The following IL1RAPL2 variants were observed in gnomAD, a reference collection of about 807,000 sequenced individuals.
The protein encoded by IL1RAPL2 is interleukin 1 receptor accessory protein like 2.
IL1RAPL2 carries 3 observed loss-of-function variants against 44.1 expected under a neutral mutation model. That is an observed-to-expected ratio of 0.07 (90% CI 0.03 to 0.18). IL1RAPL2 has a LOEUF of 0.18. Among genes scored for constraint, IL1RAPL2 ranks in the 10% least tolerant of loss-of-function variants. The pLI is 1.00. For missense variants in IL1RAPL2, 391 were observed against 496.4 expected (o/e 0.79, Z 2.02); for synonymous variants, 181 against 178.8 (o/e 1.01, Z -0.10).
In IL1RAPL2 at chrX:105,512,038, T is replaced by G. The variant is rs771482402; in HGVS notation, c.772+27651T>G. Among the ~76,000 whole-genome samples the G allele has an allele frequency of 4.5e-5, 5 of 110,980 alleles. No homozygotes were observed. In the South Asian group the frequency reaches 1.9e-3, roughly 43 times the overall value. On this transcript the variant is annotated intron_variant, in intron 6 of 10. Transcript: ENST00000372582. ...ATACTTAACGACTCGAATTTCAAAC[T>G]GTTAATGTCTTTTCTCTCTAATTTC...
chrX:105,715,602 T>C lies in IL1RAPL2; in HGVS notation c.773-1765T>C, dbSNP rs188032560. 4.5e-5 allele frequency among the ~76,000 whole-genome samples: 5 copies of C among 111,522 alleles called. No individual in the cohort carries two copies. In the East Asian group the frequency reaches 1.4e-3, roughly 32 times the overall value. ...GAGCTCAAAGTAAGAGAAAGGAGTATAAATTGAAATTGAAGATCTCCTGGA... is the reference window on the plus strand; with the variant it reads ...GAGCTCAAAGTAAGAGAAAGGAGTACAAATTGAAATTGAAGATCTCCTGGA... On this transcript the variant is annotated intron_variant, in intron 6 of 10. Coordinates refer to ENST00000372582, the MANE Select transcript of IL1RAPL2 (RefSeq NM_017416.2).
At chrX:105,222,610 T>G (rs151110112) in intron 3 of IL1RAPL2, among the ~76,000 whole-genome samples, 1,912 of 111,324 alleles carry the variant, frequency 0.017, 43 homozygotes, top group African/African-American at 0.057. Flanking sequence ...GAAGACCCAT[T>G]AGGGAGATGC....
intron 2 of IL1RAPL2, among the ~76,000 whole-genome samples, chrX:105,158,389 C>G (rs748159520): frequency 8.9e-6 from 1 of 111,822 alleles, no homozygotes; most frequent in South Asian, 3.7e-4. Flanking sequence ...AGGCAAGGAC[C>G]TCAATAATGC....
chrX:105,135,878 C>T (rs942433259), intron 2 of IL1RAPL2, among the ~76,000 whole-genome samples: 2 of 111,740 alleles, frequency 1.8e-5, no homozygotes, highest in Non-Finnish European at 3.8e-5. Context: ...GGTTGTCCTT[C>T]TGCTCTACTG....
At chrX:105,518,318 A>G (rs2147788437) in intron 6 of IL1RAPL2, among the ~76,000 whole-genome samples, 1 of 111,354 alleles carries the variant, frequency 9.0e-6, no homozygotes, top group East Asian at 2.9e-4. Context: ...GGATAAGAAT[A>G]CAAGCAAAAG....
intron 5 of IL1RAPL2, among the ~76,000 whole-genome samples, chrX:105,404,855 C>T (rs1386250178): frequency 2.7e-5 from 3 of 111,813 alleles, no homozygotes; most frequent in Non-Finnish European, 3.8e-5. Context: ...CATATTATTT[C>T]GCCATACTTT....
chrX:104,832,243 T>A (rs1248591337), intron 2 of IL1RAPL2, among the ~76,000 whole-genome samples: 10 of 112,220 alleles, frequency 8.9e-5, no homozygotes, highest in Non-Finnish European at 3.8e-5. Flanking sequence ...CTACAGCCAT[T>A]TAATTTTTTT....
chrX:105,124,810 C>T (rs895662262), intron 2 of IL1RAPL2, among the ~76,000 whole-genome samples: 6 of 110,494 alleles, frequency 5.4e-5, no homozygotes, highest in African/African-American at 2.0e-4. Flanking sequence ...ATTTTTTTCA[C>T]CTGCTTTGAA....
At chrX:105,295,475 T>A (rs907212918) in intron 5 of IL1RAPL2, among the ~76,000 whole-genome samples, 1 of 112,089 alleles carries the variant, frequency 8.9e-6, no homozygotes, top group Non-Finnish European at 1.9e-5. Flanking sequence ...AAGTGAATCC[T>A]GTGACCTAGA....
At chrX:105,105,756 A>G (rs1377449283) in intron 2 of IL1RAPL2, among the ~76,000 whole-genome samples, 1 of 112,313 alleles carries the variant, frequency 8.9e-6, no homozygotes, top group Non-Finnish European at 1.9e-5. Context: ...GGCCACAAAT[A>G]TTAAAAGCTC....
intron 1 of IL1RAPL2, among the ~76,000 whole-genome samples, chrX:104,611,982 A>G (rs574438071): frequency 1.8e-5 from 2 of 110,565 alleles, no homozygotes; most frequent in Admixed American, 9.7e-5. Context: ...GGCCACTTGT[A>G]TGTCTTATGA....
intron 5 of IL1RAPL2, among the ~76,000 whole-genome samples, chrX:105,404,167 C>A (rs1298324440): frequency 9.0e-6 from 1 of 111,608 alleles, no homozygotes; most frequent in Non-Finnish European, 1.9e-5. Context: ...TTTCATCTGG[C>A]CTCATTGTTC....
intron 5 of IL1RAPL2, among the ~76,000 whole-genome samples, chrX:105,463,753 G>A (rs756129336): frequency 8.9e-6 from 1 of 112,115 alleles, no homozygotes; most frequent in East Asian, 2.8e-4. Flanking sequence ...GCTGAGTAAT[G>A]TTATCTTACC....
chrX:104,595,440 A>G (rs1257854823), intron 1 of IL1RAPL2, among the ~76,000 whole-genome samples: 2 of 111,361 alleles, frequency 1.8e-5, no homozygotes, highest in African/African-American at 6.5e-5. Context: ...TGTTGGATTT[A>G]CTATAGTTGG....
chrX:105,534,694 CTAT>C (rs1459147664), intron 6 of IL1RAPL2, among the ~76,000 whole-genome samples: 1 of 111,864 alleles, frequency 8.9e-6, no homozygotes, highest in African/African-American at 3.2e-5. Context: ...TGGAAATAGA[CTAT>C]ATAATTATGG....
chrX:104,648,060 C>T (rs1930081295), intron 1 of IL1RAPL2: 1 of 480,487 alleles, frequency 2.1e-6, no homozygotes, highest in African/African-American at 2.3e-5. Context: ...ATGAATTCCC[C>T]AGCCACACAT....
At chrX:104,923,928 A>G (rs1019294448) in intron 2 of IL1RAPL2, among the ~76,000 whole-genome samples, 2 of 110,550 alleles carry the variant, frequency 1.8e-5, no homozygotes, top group African/African-American at 6.6e-5. Context: ...AAATGTCTAA[A>G]GACACCTACA....
At chrX:105,730,683 C>A (rs1031778423) in intron 7 of IL1RAPL2, among the ~76,000 whole-genome samples, 3 of 110,650 alleles carry the variant, frequency 2.7e-5, no homozygotes, top group African/African-American at 9.8e-5. Flanking sequence ...CCACAATGGA[C>A]TAAAACTAGA....
At chrX:104,996,602 AG>A (rs1168039969) in intron 2 of IL1RAPL2, among the ~76,000 whole-genome samples, 1 of 112,247 alleles carries the variant, frequency 8.9e-6, no homozygotes, top group Non-Finnish European at 1.9e-5. Flanking sequence ...TAGATAACAA[AG>A]AACTGGATGA....
Sources: gnomAD v4.1 joint callset for allele counts (sites outside exome capture counted in the v4.1 genomes callset) on GRCh38, gnomAD v4.1.1 for gene constraint, MANE v1.5 for transcripts, NCBI Gene and HGNC (gene_info 2026-07-23, HGNC 2026-07-21) for gene names.